Variants in KCMF1 observed in about 807,000 individuals in gnomAD.
The protein encoded by KCMF1 is potassium channel modulatory factor 1.
In KCMF1, 3 loss-of-function variants were observed where a neutral mutation model predicts 41.1. The ratio of observed to expected loss-of-function variants is 0.07; its 90% CI spans 0.03 to 0.19. KCMF1 has a LOEUF of 0.19. KCMF1 is among the 10% of genes least tolerant of loss of function. The pLI, the probability that KCMF1 is intolerant of heterozygous loss-of-function variation, is 1.00. For synonymous variants in KCMF1, 142 were observed against 164.5 expected, an observed-to-expected ratio of 0.86 and a Z score of 1.04; for missense variants, 286 against 488.9, an observed-to-expected ratio of 0.58 and a Z score of 3.91.
At chr2:85,020,438 TTTTTA>T (rs1674902855) in intron 1 of KCMF1, among the ~76,000 whole-genome samples, 1 of 152,168 alleles carries the variant, frequency 6.6e-6, no homozygotes, top group Non-Finnish European at 1.5e-5. Flanking sequence ...TTGTTTTTTG[TTTTTA>T]TTTGAGATAG....
Position 85,035,005 on chromosome 2 carries a change from T to G in KCMF1, c.185-11T>G, listed in dbSNP as rs370342867. ...TAATATTCCTCAATGCAATTCTACC[T>G]TATTTTTCAGATTTATACTATGGTG... On this transcript the variant is annotated splice_polypyrimidine_tract_variant and intron_variant, in intron 2 of 6. Coordinates refer to ENST00000409785, the MANE Select transcript of KCMF1 (RefSeq NM_020122.5). 5.0e-6 allele frequency: 8 copies of G among 1,597,130 alleles called. No homozygotes were observed. In the African/African-American group the frequency reaches 1.1e-4, roughly 22 times the overall value.
At chr2:85,017,012 CTTTT>C (rs768880385) in intron 1 of KCMF1, among the ~76,000 whole-genome samples, 2 of 99,534 alleles carry the variant, frequency 2.0e-5, no homozygotes, top group East Asian at 3.1e-4. Context: ...AGATCCTCTT[CTTTT>C]TTTTTTTTTT....
chr2:85,009,368 C>T (rs1674597994), intron 1 of KCMF1, among the ~76,000 whole-genome samples: 1 of 152,138 alleles, frequency 6.6e-6, no homozygotes, highest in African/African-American at 2.4e-5. Flanking sequence ...CTCTCTTCTT[C>T]ATAAATTACC....
Position 85,049,448 on chromosome 2 carries a change from A to C in KCMF1, c.684A>C (p.Gln228His), listed in dbSNP as rs776057097. ...CTGGCCCTTCCGCTTCTCAGTTACA[A>C]CAACTGCAGATGCAGCTGCAGCTAG... ...NSSGPSASQL[Q>H]QLQMQLQLER... The change falls in exon 6 of 7, where the codon CAA (glutamine) becomes CAC (histidine). Residue 228 changes from glutamine to histidine, a missense_variant. Transcript: ENST00000409785. 1 of 1,614,040 alleles carries C rather than the reference A, an allele frequency of 6.2e-7. No individual in the cohort carries two copies. Among genetic ancestry groups the C allele is most frequent in the Admixed American group, 1.7e-5 (1 of 60,022 alleles).
chr2:84,981,060 G>GAA (rs34832404), intron 1 of KCMF1, among the ~76,000 whole-genome samples: 1 of 145,884 alleles, frequency 6.9e-6, no homozygotes. Context: ...ACTGCTACTA[G>GAA]AAAAAAAAAA....
chr2:85,036,581 C>T (rs1380547159), intron 3 of KCMF1, among the ~76,000 whole-genome samples: 1 of 151,992 alleles, frequency 6.6e-6, no homozygotes, highest in Admixed American at 6.6e-5. Flanking sequence ...ATTGCTTGAG[C>T]CCAGAAGTTT....
intron 1 of KCMF1, among the ~76,000 whole-genome samples, chr2:85,021,032 G>A (rs1255691714): frequency 2.0e-5 from 3 of 152,066 alleles, no homozygotes; most frequent in Non-Finnish European, 4.4e-5. Context: ...ACCACACTTA[G>A]CCAACTTTTA....
At chr2:85,052,132 C>T (rs1382226392) in intron 6 of KCMF1, among the ~76,000 whole-genome samples, 2 of 152,148 alleles carry the variant, frequency 1.3e-5, no homozygotes, top group African/African-American at 2.4e-5. Flanking sequence ...TGCAATGGCA[C>T]GATCTCGGCT....
Position 84,981,191 on chromosome 2 carries a change from AT to A in KCMF1, c.16+9740del, listed in dbSNP as rs375286197. The stretch of plus-strand genomic sequence containing the variant: ...AGGTTTGCACATTATCTTCTGTTGA[AT>A]TTTTTTTTTTTTTTTGAGACAGAGT... On this transcript the variant is annotated intron_variant, in intron 1 of 6. Coordinates refer to ENST00000409785, the MANE Select transcript of KCMF1 (RefSeq NM_020122.5). Among the ~76,000 whole-genome samples, 262 of 143,398 alleles carry A rather than the reference AT, an allele frequency of 1.8e-3. 1 individual carries two copies. The highest frequency in any genetic ancestry group is 1.6e-3 in the Admixed American group (23 of 14,232). 94.1% of individuals were successfully genotyped at this position (143,398 alleles called of 152,430 possible).
intron 1 of KCMF1, among the ~76,000 whole-genome samples, chr2:85,021,484 T>C (rs1674938167): frequency 6.6e-6 from 1 of 151,926 alleles, no homozygotes; most frequent in Admixed American, 6.6e-5. Context: ...TAGCCGGGTG[T>C]GGTGGTGGGC....
intron 6 of KCMF1, 127 bp downstream of exon 6, chr2:85,049,775 A>T: frequency 1.4e-6 from 1 of 732,986 alleles, no homozygotes; most frequent in Non-Finnish European, 2.2e-6. Context: ...AAACTCACAG[A>T]TCTCTGATTA....
At chr2:85,006,278 C>A (rs1490213650) in intron 1 of KCMF1, among the ~76,000 whole-genome samples, 11 of 148,678 alleles carry the variant, frequency 7.4e-5, no homozygotes, top group East Asian at 2.0e-4. Flanking sequence ...GCCTTACCCA[C>A]TAAATATTCT....
In KCMF1 at chr2:85,008,284, TATATAATATATATA is replaced by T. The variant is rs1558573344; in HGVS notation, c.17-19599_17-19586del. Among the ~76,000 whole-genome samples the T allele has an allele frequency of 2.2e-4, 21 of 96,524 alleles. 1 individual carries two copies. The highest frequency in any genetic ancestry group is 8.9e-4 in the African/African-American group (21 of 23,688). The allele number at this position is 96,524 out of a possible 152,430, so 63.3% of individuals were successfully genotyped here. On this transcript the variant is annotated intron_variant, in intron 1 of 6. Transcript: ENST00000409785. ...ATATCATATATAATATATAATATGATATATAATATATATAATATATAATATGATATATATATCAT... is the reference window on the plus strand; with the variant it reads ...ATATCATATATAATATATAATATGATATATATAATATGATATATATATCAT...
rs1351133363 is a variant in KCMF1 at position 85,056,308 on chromosome 2, C to G, written c.*2899C>G. On this transcript the variant is annotated 3_prime_UTR_variant, in exon 7 of 7. Transcript: ENST00000409785. ...AAATCCAGCCCATTATCCCCACCCC[C>G]CATTTTCCCTCTCAATATTAGAAAT... 1.3e-5 allele frequency: 2 copies of G among 152,110 alleles called. No homozygotes were observed. The highest frequency in any genetic ancestry group is 4.8e-5 in the African/African-American group (2 of 41,420). 9.4% of individuals were successfully genotyped at this position (152,110 alleles called of 1,614,324 possible). A position where few individuals can be genotyped will look rare whatever the true frequency, so the allele number is the denominator to read the frequency against.
chr2:84,983,803 G>A (rs750162342), intron 1 of KCMF1, among the ~76,000 whole-genome samples: 1 of 151,808 alleles, frequency 6.6e-6, no homozygotes, highest in Non-Finnish European at 1.5e-5. Flanking sequence ...GAGCCACTGC[G>A]TCCGGCTGAC....
At chr2:84,987,367 T>C (rs1240457885) in intron 1 of KCMF1, among the ~76,000 whole-genome samples, 2 of 152,228 alleles carry the variant, frequency 1.3e-5, no homozygotes, top group Non-Finnish European at 2.9e-5. Flanking sequence ...TAGACCTTTT[T>C]GCTGGAATGA....
intron 1 of KCMF1, among the ~76,000 whole-genome samples, chr2:84,975,934 A>T (rs1027632995): frequency 6.6e-6 from 1 of 152,230 alleles, no homozygotes; most frequent in Non-Finnish European, 1.5e-5. Flanking sequence ...GCCTTAAATC[A>T]TTCAACCTTT....
chr2:85,029,831 G>A (rs1212165981), intron 2 of KCMF1, among the ~76,000 whole-genome samples: 1 of 151,578 alleles, frequency 6.6e-6, no homozygotes, highest in African/African-American at 2.4e-5. Context: ...ACAGGTGCCC[G>A]CCACCATGCC....
At chr2:84,979,646 T>C (rs1257132564) in intron 1 of KCMF1, among the ~76,000 whole-genome samples, 2 of 152,114 alleles carry the variant, frequency 1.3e-5, no homozygotes, top group Admixed American at 6.6e-5. Flanking sequence ...CTGTTCCTAA[T>C]AAAAGTCTTT....
Sources: gnomAD v4.1 joint callset for allele counts (sites outside exome capture counted in the v4.1 genomes callset) on GRCh38, gnomAD v4.1.1 for gene constraint, MANE v1.5 for transcripts, NCBI Gene and HGNC (gene_info 2026-07-23, HGNC 2026-07-21) for gene names.